GULP1: variants seen among roughly 807,000 people sequenced by gnomAD.
GULP1 encodes the protein GULP PTB domain containing engulfment adaptor 1.
GULP1 carries 19 observed loss-of-function variants against 40.9 expected under a neutral mutation model. The observed-to-expected ratio is 0.46, with a 90% CI of 0.32 to 0.68. The LOEUF (loss-of-function observed/expected upper bound fraction) is 0.68. Ranked by LOEUF, GULP1 falls within the 30% of genes least tolerant of loss-of-function variation. The pLI, the probability that GULP1 is intolerant of heterozygous loss-of-function variation, is 0.03. For missense variants in GULP1, 312 were observed against 362.2 expected (o/e 0.86, Z 1.12); for synonymous variants, 119 against 117.6 (o/e 1.01, Z -0.08).
At chr2:188,460,760 C>T (rs977165080) in intron 2 of GULP1, among the ~76,000 whole-genome samples, 1 of 152,004 alleles carries the variant, frequency 6.6e-6, no homozygotes, top group Admixed American at 6.6e-5. Flanking sequence ...AGTTTGTCTC[C>T]GTTCAGTATG....
At chr2:188,423,668 T>C (rs549298622) in intron 2 of GULP1, among the ~76,000 whole-genome samples, 2 of 151,954 alleles carry the variant, frequency 1.3e-5, no homozygotes, top group Non-Finnish European at 2.9e-5. Context: ...TAGTAACTTA[T>C]GAATATAAAG....
At chr2:188,539,464 A>C (rs1327570854) in intron 6 of GULP1, among the ~76,000 whole-genome samples, 1 of 152,118 alleles carries the variant, frequency 6.6e-6, no homozygotes, top group Non-Finnish European at 1.5e-5. Flanking sequence ...GTCTCAAACA[A>C]ATATGATCAT....
chr2:188,398,405 A>T (rs1452429521), intron 2 of GULP1, among the ~76,000 whole-genome samples: 1 of 152,230 alleles, frequency 6.6e-6, no homozygotes, highest in Non-Finnish European at 1.5e-5. Flanking sequence ...GACTTTTTAG[A>T]GTGTCTGTTT....
At chr2:188,385,802 A>G (rs1005273589) in intron 2 of GULP1, among the ~76,000 whole-genome samples, 1 of 152,130 alleles carries the variant, frequency 6.6e-6, no homozygotes, top group African/African-American at 2.4e-5. Context: ...AAACATAACA[A>G]GAGTCACCTT....
chr2:188,437,460 T>C (rs1398142627), intron 2 of GULP1, among the ~76,000 whole-genome samples: 1 of 152,096 alleles, frequency 6.6e-6, no homozygotes, highest in African/African-American at 2.4e-5. Context: ...GTAAGTTACA[T>C]CAGTGTAAAA....
At chr2:188,308,617 G>C (rs955104908) in intron 1 of GULP1, among the ~76,000 whole-genome samples, 2 of 152,098 alleles carry the variant, frequency 1.3e-5, no homozygotes. Context: ...GAAGTGTATA[G>C]TCCGTAAGAT....
chr2:188,401,060 G>A (rs2052208551), intron 2 of GULP1, among the ~76,000 whole-genome samples: 1 of 151,748 alleles, frequency 6.6e-6, no homozygotes, highest in South Asian at 2.1e-4. Context: ...ATGTTCAATA[G>A]CCAGTTGTCT....
chr2:188,338,159 A>G (rs1454902780), intron 1 of GULP1, among the ~76,000 whole-genome samples: 1 of 152,142 alleles, frequency 6.6e-6, no homozygotes, highest in African/African-American at 2.4e-5. Context: ...AGGCTCCTCA[A>G]TATATCATTG....
intron 2 of GULP1, among the ~76,000 whole-genome samples, chr2:188,425,991 A>C (rs2056147835): frequency 6.6e-6 from 1 of 152,152 alleles, no homozygotes; most frequent in Non-Finnish European, 1.5e-5. Flanking sequence ...CTGGATTGTT[A>C]CACAGTCTCA....
intron 1 of GULP1, among the ~76,000 whole-genome samples, chr2:188,353,468 T>C (rs1475150507): frequency 1.3e-5 from 2 of 152,138 alleles, no homozygotes; most frequent in Admixed American, 6.5e-5. Context: ...GTGCTGCCCA[T>C]AGGGGCCTGA....
chr2:188,565,411 C>T (rs1294077464), intron 7 of GULP1, among the ~76,000 whole-genome samples: 1 of 151,778 alleles, frequency 6.6e-6, no homozygotes, highest in Non-Finnish European at 1.5e-5. Flanking sequence ...TTAAAGAGAA[C>T]ATAAAAGAGG....
At chr2:188,506,677 T>C (rs2063949198) in intron 4 of GULP1, among the ~76,000 whole-genome samples, 2 of 151,984 alleles carry the variant, frequency 1.3e-5, no homozygotes, top group Admixed American at 1.3e-4. Flanking sequence ...CAAATCTTAA[T>C]CTCCATAATT....
At chr2:188,516,786 A>G (rs918541255) in intron 4 of GULP1, among the ~76,000 whole-genome samples, 1 of 152,190 alleles carries the variant, frequency 6.6e-6, no homozygotes, top group Non-Finnish European at 1.5e-5. Flanking sequence ...GAAAAACACT[A>G]TTCTAGACCA....
intron 1 of GULP1, among the ~76,000 whole-genome samples, chr2:188,357,689 A>G (rs545726294): frequency 6.6e-6 from 1 of 152,294 alleles, no homozygotes. Flanking sequence ...CAGCAGTCTC[A>G]CTACTGGGTA....
chr2:188,426,826 C>T (rs1472771099), intron 2 of GULP1, among the ~76,000 whole-genome samples: 2 of 152,042 alleles, frequency 1.3e-5, no homozygotes, highest in Non-Finnish European at 2.9e-5. Context: ...GGGTCATGGG[C>T]AGAGGTTAGA....
At chr2:188,571,822 T>A (rs1699109092) in intron 9 of GULP1, among the ~76,000 whole-genome samples, 1 of 152,222 alleles carries the variant, frequency 6.6e-6, no homozygotes, top group South Asian at 2.1e-4. Context: ...CAAGGAGTTT[T>A]GATAACGTAG....
chr2:188,591,254 TA>T (rs1703494892), intron 11 of GULP1: 2 of 152,230 alleles, frequency 1.3e-5, no homozygotes, highest in East Asian at 3.9e-4. Flanking sequence ...TCTAGCAGAT[TA>T]TTTTTTAAAC....
chr2:188,416,445 G>C (rs1191881310), intron 2 of GULP1, among the ~76,000 whole-genome samples: 1 of 152,128 alleles, frequency 6.6e-6, no homozygotes, highest in Admixed American at 6.6e-5. Context: ...TAACTAAGGT[G>C]ACTGGAGTGG....
At chr2:188,488,436 T>C (rs180788874) in intron 4 of GULP1, among the ~76,000 whole-genome samples, 1 of 152,116 alleles carries the variant, frequency 6.6e-6, no homozygotes, top group Non-Finnish European at 1.5e-5. Context: ...TATATTTTTT[T>C]AAAACTTAGA....
Sources: allele counts gnomAD v4.1 joint callset (sites outside exome capture counted in the v4.1 genomes callset), GRCh38; gene constraint gnomAD v4.1.1; transcripts MANE v1.5; gene names NCBI Gene and HGNC (gene_info 2026-07-23, HGNC 2026-07-21).